PEX5L: variants seen among roughly 807,000 people sequenced by gnomAD.
The protein encoded by PEX5L is peroxisomal biogenesis factor 5 like, also known as PEX5-related protein.
PEX5L carries 30 observed loss-of-function variants against 84.0 expected under a neutral mutation model. The observed-to-expected ratio is 0.36, with a 90% CI of 0.27 to 0.48. The LOEUF (loss-of-function observed/expected upper bound fraction) is 0.48. Ranked by LOEUF, PEX5L falls within the 20% of genes least tolerant of loss-of-function variation. The pLI is 0.99. For missense variants in PEX5L, 533 were observed against 754.6 expected (o/e 0.71, Z 3.44); for synonymous variants, 270 against 283.1 (o/e 0.95, Z 0.46).
intron 2 of PEX5L, among the ~76,000 whole-genome samples, chr3:179,959,925 C>T (rs1446256891): frequency 6.6e-6 from 1 of 152,140 alleles, no homozygotes; most frequent in Non-Finnish European, 1.5e-5. Context: ...CAAAACTATG[C>T]CTAGAATATA....
At chr3:179,944,006 C>T (rs566562654) in intron 2 of PEX5L, among the ~76,000 whole-genome samples, 32 of 151,580 alleles carry the variant, frequency 2.1e-4, no homozygotes, top group Non-Finnish European at 5.9e-5. Context: ...GCCCTCCCCC[C>T]CCCAAAAAAC....
chr3:179,861,748 T>G (rs6443674), intron 7 of PEX5L, among the ~76,000 whole-genome samples: 75,371 of 152,040 alleles, frequency 0.5, 19,101 homozygotes, highest in East Asian at 0.74. Context: ...TAGAGCCAGA[T>G]TTAATATCAG....
chr3:179,887,620 A>T, intron 4 of PEX5L, 53 bp downstream of exon 4: 1 of 1,136,384 alleles, frequency 8.8e-7, no homozygotes, highest in Non-Finnish European at 1.3e-6. Flanking sequence ...TGTGCATTTT[A>T]CTATAGTTAA....
chr3:180,006,338 G>GA (rs56391302), intron 1 of PEX5L, among the ~76,000 whole-genome samples: 5 of 148,204 alleles, frequency 3.4e-5, no homozygotes, highest in East Asian at 2.0e-4. Context: ...CTGAAGTAGT[G>GA]AAAAAAAAAG....
intron 2 of PEX5L, among the ~76,000 whole-genome samples, chr3:179,956,317 C>T (rs1185792042): frequency 3.9e-5 from 6 of 152,000 alleles, no homozygotes; most frequent in Admixed American, 2.6e-4. Flanking sequence ...TTTTGGAGCC[C>T]TAGGAAAAAT....
intron 1 of PEX5L, among the ~76,000 whole-genome samples, chr3:179,993,536 G>A (rs1361108442): frequency 6.6e-6 from 1 of 152,024 alleles, no homozygotes; most frequent in African/African-American, 2.4e-5. Context: ...GTCTCACTCT[G>A]TCACCCAGGT....
At chr3:179,874,027 A>T (rs938754064) in intron 7 of PEX5L, among the ~76,000 whole-genome samples, 7 of 152,180 alleles carry the variant, frequency 4.6e-5, no homozygotes, top group African/African-American at 1.7e-4. Flanking sequence ...AGTAGAACAG[A>T]TTTTGTATTA....
intron 2 of PEX5L, among the ~76,000 whole-genome samples, chr3:179,934,863 T>G (rs1387951439): frequency 6.6e-6 from 1 of 152,170 alleles, no homozygotes; most frequent in African/African-American, 2.4e-5. Context: ...AAGCATTTTC[T>G]TTTTACTAGT....
chr3:179,985,753 T>A (rs548158289), intron 1 of PEX5L, among the ~76,000 whole-genome samples: 1 of 152,228 alleles, frequency 6.6e-6, no homozygotes, highest in South Asian at 2.1e-4. Flanking sequence ...ATGTGCCATT[T>A]GAATGGTCCA....
chr3:180,008,440 A>G (rs143431840), intron 1 of PEX5L, among the ~76,000 whole-genome samples: 300 of 152,226 alleles, frequency 2.0e-3, no homozygotes, highest in African/African-American at 6.9e-3. Context: ...TGAGCCCTCC[A>G]AGCTGTTCCA....
intron 8 of PEX5L, among the ~76,000 whole-genome samples, chr3:179,829,619 T>C (rs897946844): frequency 3.9e-5 from 6 of 152,228 alleles, no homozygotes; most frequent in Non-Finnish European, 8.8e-5. Context: ...GCGGCATTTA[T>C]AGCTACAACT....
intron 2 of PEX5L, among the ~76,000 whole-genome samples, chr3:179,941,219 A>G (rs1775994767): frequency 6.6e-6 from 1 of 152,230 alleles, no homozygotes; most frequent in Non-Finnish European, 1.5e-5. Flanking sequence ...ATATACATTT[A>G]CCATTTTGCC....
At chr3:179,806,249 T>TA (rs1721265564) in intron 14 of PEX5L, among the ~76,000 whole-genome samples, 1 of 152,130 alleles carries the variant, frequency 6.6e-6, no homozygotes, top group South Asian at 2.1e-4. Context: ...GGAATGAAGT[T>TA]AGGATACAAA....
At position 179,870,819 on chromosome 3, in the gene PEX5L, C is replaced by T. The variant is rs560252708; in HGVS notation, c.726+3508G>A. Among the ~76,000 whole-genome samples the T allele has an allele frequency of 9.9e-5, 15 of 152,222 alleles. No individual in the cohort carries two copies. The East Asian group carries it at 2.1e-3, about 22-fold the overall frequency. Reference sequence around the variant, plus strand: ...TTGTAGACTCAAATTCTCAAAACTTCCAGAGGTGGAAAGAAAGTTCCTTTT... The same window carrying T: ...TTGTAGACTCAAATTCTCAAAACTTTCAGAGGTGGAAAGAAAGTTCCTTTT... On this transcript the variant is annotated intron_variant, in intron 7 of 14. Transcript: ENST00000467460.
intron 1 of PEX5L, among the ~76,000 whole-genome samples, chr3:179,981,964 A>G (rs896174620): frequency 2.6e-5 from 4 of 152,212 alleles, no homozygotes; most frequent in Admixed American, 2.6e-4. Context: ...TAAAATATTG[A>G]AAAGAAATAT....
chr3:179,826,752 C>T (rs1730656730), intron 8 of PEX5L, among the ~76,000 whole-genome samples: 1 of 152,112 alleles, frequency 6.6e-6, no homozygotes, highest in African/African-American at 2.4e-5. Flanking sequence ...GACATGTTTA[C>T]AAGTCATGAA....
chr3:179,982,272 T>A (rs1462129072), intron 1 of PEX5L, among the ~76,000 whole-genome samples: 3 of 152,182 alleles, frequency 2.0e-5, no homozygotes, highest in Non-Finnish European at 2.9e-5. Context: ...GTTCTTAATA[T>A]TTAAAAATAA....
chr3:179,958,286 C>T (rs1217628083), intron 2 of PEX5L, among the ~76,000 whole-genome samples: 1 of 152,108 alleles, frequency 6.6e-6, no homozygotes. Flanking sequence ...AGTTTTTAAA[C>T]GTGAACTCAC....
intron 5 of PEX5L, among the ~76,000 whole-genome samples, chr3:179,878,220 C>G (rs1407312733): frequency 1.3e-5 from 2 of 152,184 alleles, no homozygotes; most frequent in African/African-American, 2.4e-5. Flanking sequence ...CTACATGTCC[C>G]CATTGCTCAC....
Sources: gnomAD v4.1 joint callset for allele counts (sites outside exome capture counted in the v4.1 genomes callset) on GRCh38, gnomAD v4.1.1 for gene constraint, MANE v1.5 for transcripts, NCBI Gene and HGNC (gene_info 2026-07-23, HGNC 2026-07-21) for gene names.